Variants in SYN3 observed in about 807,000 individuals in gnomAD.
The protein encoded by SYN3 is synapsin III, also known as synapsin-3.
Under a neutral mutation model 65.8 loss-of-function variants are expected in SYN3, and 35 were observed. The observed-to-expected ratio is 0.53, with a 90% confidence interval of 0.41 to 0.70. The LOEUF is 0.70. Among genes scored for constraint, SYN3 ranks in the 30% least tolerant of loss-of-function variants. The pLI is 0.00. For synonymous variants in SYN3, 270 were observed against 292.9 expected, an observed-to-expected ratio of 0.92 and a Z score of 0.80; for missense variants, 680 against 749.0, an observed-to-expected ratio of 0.91 and a Z score of 1.08.
At chr22:32,766,737 C>T (rs1251166788) in intron 6 of SYN3, among the ~76,000 whole-genome samples, 1 of 152,148 alleles carries the variant, frequency 6.6e-6, no homozygotes, top group African/African-American at 2.4e-5. Context: ...AGATATGCTC[C>T]AATTCATCCT....
At chr22:33,029,134 C>T (rs9621620) in intron 1 of SYN3, among the ~76,000 whole-genome samples, 6,885 of 151,190 alleles carry the variant, frequency 0.046, 496 homozygotes, top group African/African-American at 0.15. Flanking sequence ...AGTGCTATCA[C>T]CTCATTTTAC....
chr22:32,944,189 A>G (rs1410956246), intron 3 of SYN3, among the ~76,000 whole-genome samples: 2 of 152,204 alleles, frequency 1.3e-5, no homozygotes, highest in Non-Finnish European at 2.9e-5. Flanking sequence ...TTGACCACAT[A>G]GTTGGAAGTA....
rs73162073 is a variant in SYN3 at position 33,017,214 on chromosome 22, G to T, written c.-162-10390C>A. Reference sequence around the variant, plus strand: ...CACCTTTGTCAAATTTCAATTGATTGTAAGTGTGTGGGTTTATTTCTGGGA... The same window carrying T: ...CACCTTTGTCAAATTTCAATTGATTTTAAGTGTGTGGGTTTATTTCTGGGA... On this transcript the variant is annotated intron_variant, in intron 1 of 13. Transcript: ENST00000358763. Among the ~76,000 whole-genome samples, 892 of 152,258 alleles carry T rather than the reference G, an allele frequency of 5.9e-3. 7 individuals are homozygous for T. The highest frequency in any genetic ancestry group is 0.028 in the South Asian group (137 of 4,826).
At chr22:32,528,049 C>CCTG in intron 11 of SYN3, 44 bp from the exon 12 acceptor site, 1 of 1,428,372 alleles carries the variant, frequency 7.0e-7, no homozygotes, top group Non-Finnish European at 9.4e-7. Flanking sequence ...CACCACAGCC[C>CCTG]TTTACTTCCT....
chr22:32,857,453 A>G, intron 6 of SYN3: 1 of 940,254 alleles, frequency 1.1e-6, no homozygotes, highest in Non-Finnish European at 1.7e-6. Flanking sequence ...TTGACTCACC[A>G]AATGTCCAGT....
chr22:32,910,512 G>A (rs369618072), intron 4 of SYN3, among the ~76,000 whole-genome samples: 28 of 152,190 alleles, frequency 1.8e-4, no homozygotes, highest in East Asian at 5.8e-4. Context: ...TATTGAGTAC[G>A]TTCTTTGTGC....
chr22:32,936,333 C>T (rs751948659), intron 3 of SYN3, among the ~76,000 whole-genome samples: 47 of 152,160 alleles, frequency 3.1e-4, no homozygotes, highest in Non-Finnish European at 6.0e-4. Flanking sequence ...TAGCTTACTG[C>T]CTAGAGGCAG....
intron 4 of SYN3, among the ~76,000 whole-genome samples, chr22:32,893,752 T>A (rs1021889672): frequency 6.6e-6 from 1 of 152,034 alleles, no homozygotes; most frequent in African/African-American, 2.4e-5. Flanking sequence ...TACCCACTCA[T>A]CCTTCCAGTT....
chr22:32,608,141 C>A (rs1349194473), intron 6 of SYN3, among the ~76,000 whole-genome samples: 1 of 150,916 alleles, frequency 6.6e-6, no homozygotes, highest in Admixed American at 6.6e-5. Flanking sequence ...GATCTCGGCT[C>A]ACTGCAACCT....
intron 3 of SYN3, among the ~76,000 whole-genome samples, chr22:32,959,605 C>CT (rs903962509): frequency 2.0e-4 from 30 of 147,374 alleles, no homozygotes; most frequent in East Asian, 2.0e-4. Flanking sequence ...GCCTCAGACA[C>CT]TTTTTTTTTT....
chr22:32,847,988 G>A (rs768373562), intron 6 of SYN3, among the ~76,000 whole-genome samples: 10 of 152,162 alleles, frequency 6.6e-5, no homozygotes, highest in Non-Finnish European at 1.3e-4. Context: ...ATTATTAGAC[G>A]ATTTTTTTCT....
intron 6 of SYN3, among the ~76,000 whole-genome samples, chr22:32,783,556 G>A (rs942061913): frequency 6.6e-6 from 1 of 152,276 alleles, no homozygotes; most frequent in South Asian, 2.1e-4. Context: ...TTAATCTTCG[G>A]ATTTAAGGGG....
At chr22:32,857,961 C>T (rs1202741515) in intron 6 of SYN3, 40 of 1,613,636 alleles carry the variant, frequency 2.5e-5, no homozygotes, top group Admixed American at 2.2e-4. Flanking sequence ...TGAATTCTCT[C>T]TGGGCTAGGC....
intron 6 of SYN3, among the ~76,000 whole-genome samples, chr22:32,597,861 A>T (rs2059224604): frequency 6.6e-6 from 1 of 152,238 alleles, no homozygotes; most frequent in East Asian, 1.9e-4. Flanking sequence ...CTCTGACACA[A>T]GTGAGACAGT....
chr22:32,872,851 T>C (rs1428446417), intron 4 of SYN3, among the ~76,000 whole-genome samples: 2 of 151,924 alleles, frequency 1.3e-5, no homozygotes, highest in South Asian at 2.1e-4. Context: ...CTGGCAAAGG[T>C]TGGAGATCCC....
chr22:32,563,118 G>A (rs975263750), intron 7 of SYN3, among the ~76,000 whole-genome samples: 1 of 152,224 alleles, frequency 6.6e-6, no homozygotes, highest in African/African-American at 2.4e-5. Flanking sequence ...ACCTCATTGC[G>A]TTCCCACTCC....
intron 6 of SYN3, among the ~76,000 whole-genome samples, chr22:32,825,699 A>G (rs1031871532): frequency 2.7e-5 from 3 of 111,406 alleles, no homozygotes; most frequent in Non-Finnish European, 5.3e-5. Context: ...AAAAAAAAAG[A>G]TGTGTGTATG....
intron 6 of SYN3, among the ~76,000 whole-genome samples, chr22:32,836,977 C>T (rs916593476): frequency 6.6e-6 from 1 of 152,212 alleles, no homozygotes; most frequent in Non-Finnish European, 1.5e-5. Context: ...GCAAAGGCTG[C>T]ATCTGCGGGT....
At chr22:32,668,196 A>G (rs1457190295) in intron 6 of SYN3, among the ~76,000 whole-genome samples, 1 of 152,250 alleles carries the variant, frequency 6.6e-6, no homozygotes, top group Non-Finnish European at 1.5e-5. Context: ...TCATAGATGC[A>G]GAAGTAGAAA....
Sources: gnomAD v4.1 joint callset for allele counts (sites outside exome capture counted in the v4.1 genomes callset) on GRCh38, gnomAD v4.1.1 for gene constraint, MANE v1.5 for transcripts, NCBI Gene and HGNC (gene_info 2026-07-23, HGNC 2026-07-21) for gene names.